PTPRT: variants seen among roughly 807,000 people sequenced by gnomAD.
PTPRT encodes receptor-type tyrosine-protein phosphatase T.
Under a neutral mutation model 176.8 loss-of-function variants are expected in PTPRT, and 56 were observed. The ratio of observed to expected loss-of-function variants is 0.32; its 90% CI spans 0.26 to 0.40. PTPRT has a LOEUF of 0.40. Among genes scored for constraint, PTPRT ranks in the 10% least tolerant of loss-of-function variants. The probability of loss-of-function intolerance (pLI) is 1.00; values close to 1 mark genes in which losing one functional copy is unlikely to be tolerated. For synonymous variants in PTPRT, 783 were observed against 739.0 expected, an observed-to-expected ratio of 1.06 and a Z score of -0.96; for missense variants, 1,540 against 1,908.2, an observed-to-expected ratio of 0.81 and a Z score of 3.60.
At chr20:42,350,205 A>G (rs1484927963) in intron 11 of PTPRT, among the ~76,000 whole-genome samples, 1 of 112,974 alleles carries the variant, frequency 8.9e-6, no homozygotes, top group African/African-American at 3.4e-5. Flanking sequence ...CCTGATTAGG[A>G]TGTTTCTTGT....
chr20:42,370,967 C>T (rs1168730776), intron 9 of PTPRT, among the ~76,000 whole-genome samples: 3 of 152,164 alleles, frequency 2.0e-5, no homozygotes. Context: ...GATTTTCCAC[C>T]CTCTCTTGGT....
Position 42,648,248 on chromosome 20 carries a change from G to A in PTPRT, c.1153+29618C>T, listed in dbSNP as rs182212797. 1.3e-3 allele frequency among the ~76,000 whole-genome samples: 193 copies of A among 151,794 alleles called. 2 individuals are homozygous for A. The highest frequency in any genetic ancestry group is 0.011 in the South Asian group (54 of 4,820). ...CAGACTCCTCCATCACTTCAATCAA[G>A]GGGTCCTTCACGAACATGCTTCATT... On this transcript the variant is annotated intron_variant, in intron 7 of 30. Coordinates refer to ENST00000373187, the MANE Select transcript of PTPRT (RefSeq NM_007050.6).
chr20:42,081,976 C>A lies in PTPRT; in HGVS notation c.4178G>T (p.Ser1393Ile). The change falls in exon 30 of 31, where the codon AGT (serine) becomes ATT (isoleucine). Residue 1393 changes from serine to isoleucine, a missense_variant. Coordinates refer to ENST00000373187, the MANE Select transcript of PTPRT (RefSeq NM_007050.6). ...GRSGTFCAICSVCEMIQQQNI... is the reference protein window; with the variant it reads ...GRSGTFCAICIVCEMIQQQNI... The stretch of plus-strand genomic sequence containing the variant: ...TTGCTGCTGGATCATCTCACACACA[C>A]TGCAGATGGCACAGAAGGTTCCACT... 6.2e-7 allele frequency: 1 copy of A among 1,614,250 alleles called. No individual in the cohort carries two copies. Among genetic ancestry groups the A allele is most frequent in the Non-Finnish European group, 8.5e-7 (1 of 1,180,046 alleles).
chr20:42,773,616 G>A (rs1474434174), intron 4 of PTPRT, among the ~76,000 whole-genome samples: 1 of 152,174 alleles, frequency 6.6e-6, no homozygotes, highest in African/African-American at 2.4e-5. Context: ...CCTGCATCTA[G>A]TCAACTTGAC....
intron 1 of PTPRT, among the ~76,000 whole-genome samples, chr20:42,952,944 G>C (rs6103109): frequency 6.6e-6 from 1 of 152,148 alleles, no homozygotes; most frequent in Non-Finnish European, 1.5e-5. Context: ...AAAAATCTTA[G>C]GTTGGATAAA....
chr20:42,715,370 T>A (rs2076207629), intron 6 of PTPRT, among the ~76,000 whole-genome samples: 2 of 152,280 alleles, frequency 1.3e-5, no homozygotes, highest in South Asian at 4.1e-4. Flanking sequence ...GATGAGAACT[T>A]TAAAATAGAT....
intron 11 of PTPRT, among the ~76,000 whole-genome samples, chr20:42,319,257 C>A (rs2057764641): frequency 7.8e-6 from 1 of 128,830 alleles, no homozygotes; most frequent in South Asian, 2.4e-4. Context: ...AGCTCAGTAT[C>A]CTTCCTTTTT....
At chr20:42,850,708 T>C (rs953833925) in intron 2 of PTPRT, among the ~76,000 whole-genome samples, 1 of 152,144 alleles carries the variant, frequency 6.6e-6, no homozygotes, top group Non-Finnish European at 1.5e-5. Context: ...CCAGGCCTGG[T>C]CCTTTTTCTC....
intron 27 of PTPRT, among the ~76,000 whole-genome samples, chr20:42,095,056 G>C (rs1412915563): frequency 6.6e-6 from 1 of 152,032 alleles, no homozygotes; most frequent in Non-Finnish European, 1.5e-5. Flanking sequence ...TTATTCCATA[G>C]TCAATCTCTC....
intron 1 of PTPRT, among the ~76,000 whole-genome samples, chr20:42,976,022 G>A (rs909380738): frequency 1.4e-5 from 2 of 145,390 alleles, no homozygotes; most frequent in Non-Finnish European, 2.9e-5. Context: ...ATCCCTGCAA[G>A]GCCAGCGTTA....
At chr20:42,740,817 G>A (rs1231854035) in intron 6 of PTPRT, among the ~76,000 whole-genome samples, 1 of 152,156 alleles carries the variant, frequency 6.6e-6, no homozygotes, top group African/African-American at 2.4e-5. Flanking sequence ...CATGGTAGGA[G>A]ACCAGAGCTG....
the PTPRT span, among the ~76,000 whole-genome samples, chr20:42,040,359 G>T: frequency 0.03 from 4,621 of 152,176 alleles, 241 homozygotes; most frequent in African/African-American, 0.1. Context: ...CAGTCAGGGT[G>T]GGCTAGCTTG....
chr20:42,821,805 T>A (rs953405183), intron 2 of PTPRT, among the ~76,000 whole-genome samples: 1 of 152,082 alleles, frequency 6.6e-6, no homozygotes, highest in Non-Finnish European at 1.5e-5. Context: ...TGAACTCCCA[T>A]TCACAATTGC....
At chr20:43,119,363 T>C (rs1016359673) in intron 1 of PTPRT, among the ~76,000 whole-genome samples, 2 of 152,260 alleles carry the variant, frequency 1.3e-5, no homozygotes, top group African/African-American at 4.8e-5. Flanking sequence ...GATAAGTATG[T>C]CTTTAAAATG....
rs930330356 is a variant in PTPRT at position 42,750,433 on chromosome 20, C to T, written c.859+6029G>A. ...TCCATTATTCAGATAAGGAAAATGA[C>T]GCCCAGAGTAAATACATGATTTGCT... is the stretch of plus-strand genomic sequence containing the variant. On this transcript the variant is annotated intron_variant, in intron 6 of 30. Transcript: ENST00000373187. Among the ~76,000 whole-genome samples the T allele has an allele frequency of 6.6e-5, 10 of 152,002 alleles. No homozygotes were observed. In the East Asian group the frequency reaches 9.7e-4, roughly 15 times the overall value.
At chr20:43,129,891 T>A (rs1015864619) in intron 1 of PTPRT, among the ~76,000 whole-genome samples, 1 of 152,116 alleles carries the variant, frequency 6.6e-6, no homozygotes, top group African/African-American at 2.4e-5. Flanking sequence ...GTGCTGGGAT[T>A]ACAGGCGTGA....
At chr20:42,428,656 G>T (rs1242173083) in intron 9 of PTPRT, among the ~76,000 whole-genome samples, 1 of 152,206 alleles carries the variant, frequency 6.6e-6, no homozygotes, top group Non-Finnish European at 1.5e-5. Context: ...TGTCTACTCA[G>T]TTGCAGGAAT....
At chr20:42,865,107 C>T (rs141300891) in intron 2 of PTPRT, among the ~76,000 whole-genome samples, 99 of 152,344 alleles carry the variant, frequency 6.5e-4, no homozygotes, top group Non-Finnish European at 1.3e-3. Flanking sequence ...ATTGTGAAGT[C>T]TTTTCATGTG....
intron 6 of PTPRT, among the ~76,000 whole-genome samples, chr20:42,733,111 C>T (rs551844564): frequency 6.6e-6 from 1 of 152,270 alleles, no homozygotes; most frequent in African/African-American, 2.4e-5. Context: ...AATACGCTGG[C>T]ACATGCTTGC....
Sources: allele counts gnomAD v4.1 joint callset (sites outside exome capture counted in the v4.1 genomes callset), GRCh38; gene constraint gnomAD v4.1.1; transcripts MANE v1.5; gene names NCBI Gene and HGNC (gene_info 2026-07-23, HGNC 2026-07-21).